The following DHRS12 variants were observed in gnomAD, a reference collection of about 807,000 sequenced individuals.
DHRS12 encodes dehydrogenase/reductase 12.
Under a neutral mutation model 32.1 loss-of-function variants are expected in DHRS12, and 29 were observed. That is an observed-to-expected ratio of 0.90 (90% CI 0.67 to 1.23). The LOEUF is 1.23. Among genes scored for constraint, DHRS12 ranks in the 50% most tolerant of loss-of-function variants. DHRS12 has a pLI of 0.00. For synonymous variants in DHRS12, 150 were observed against 135.9 expected (o/e 1.10, Z -0.72); for missense variants, 330 against 337.2 (o/e 0.98, Z 0.17).
chr13:51,760,016 G>T, the DHRS12 span: 4 of 426,670 alleles, frequency 9.4e-6, no homozygotes, highest in Middle Eastern at 6.1e-4. Flanking sequence ...ATACAGTCTG[G>T]CTGTGCTGCA....
intron 1 of DHRS12, among the ~76,000 whole-genome samples, chr13:51,800,165 A>G (rs1375729673): frequency 6.6e-6 from 1 of 152,214 alleles, no homozygotes; most frequent in African/African-American, 2.4e-5. Context: ...GAGGAAGCCA[A>G]GGCTCCTTCA....
At chr13:51,763,237 C>A (rs1365542014), downstream of DHRS12, 2 of 152,172 alleles carry the variant, frequency 1.3e-5, no homozygotes, top group African/African-American at 2.4e-5. Context: ...CACCTTGAGA[C>A]AGGGCGCTCT....
At chr13:51,789,692 GC>G in intron 4 of DHRS12, 4 of 985,450 alleles carry the variant, frequency 4.1e-6, no homozygotes, top group Non-Finnish European at 4.8e-6. Flanking sequence ...TCCTTTGGTT[GC>G]AGTTTTTAGA....
downstream of DHRS12, chr13:51,766,660 T>C (rs1953760096): frequency 6.6e-6 from 1 of 152,246 alleles, no homozygotes; most frequent in Non-Finnish European, 1.5e-5. Flanking sequence ...TGCTGAATAT[T>C]GTGAATGTTT....
chr13:51,802,278 A>C (rs1251836069), intron 1 of DHRS12, among the ~76,000 whole-genome samples: 1 of 151,922 alleles, frequency 6.6e-6, no homozygotes, highest in Non-Finnish European at 1.5e-5. Context: ...CTCGGTGCCA[A>C]AGGGCAGTCC....
intron 1 of DHRS12, among the ~76,000 whole-genome samples, chr13:51,802,158 G>C: frequency 1.4e-5 from 2 of 141,334 alleles, no homozygotes; most frequent in African/African-American, 2.7e-5. Context: ...CTAGATATCA[G>C]TCTCTATTTT....
chr13:51,785,324 T>A (rs1039957574), intron 4 of DHRS12, among the ~76,000 whole-genome samples: 1 of 152,104 alleles, frequency 6.6e-6, no homozygotes, highest in Admixed American at 6.5e-5. Flanking sequence ...AGGTGACCCG[T>A]TTTCAAAGAA....
intron 1 of DHRS12, among the ~76,000 whole-genome samples, chr13:51,801,760 T>C (rs1045672896): frequency 9.9e-5 from 15 of 151,922 alleles, no homozygotes; most frequent in South Asian, 2.1e-4. Flanking sequence ...CCAAATACAA[T>C]AGAGCCAGAA....
At chr13:51,798,729 G>C (rs12431245) in intron 2 of DHRS12, among the ~76,000 whole-genome samples, 3 of 150,718 alleles carry the variant, frequency 2.0e-5, no homozygotes, top group African/African-American at 7.3e-5. Context: ...TTTAGAGAGA[G>C]GAAAAAAGAA....
chr13:51,755,627 C>A, the DHRS12 span, among the ~76,000 whole-genome samples: 2 of 152,082 alleles, frequency 1.3e-5, no homozygotes, highest in African/African-American at 2.4e-5. Flanking sequence ...ATAGCCCATT[C>A]CTACTGGATT....
the DHRS12 span, among the ~76,000 whole-genome samples, chr13:51,759,172 C>T: frequency 1.3e-5 from 2 of 152,150 alleles, no homozygotes; most frequent in Non-Finnish European, 2.9e-5. Flanking sequence ...CAGAGCAAGA[C>T]CCTGTCTCAA....
chr13:51,765,591 A>C (rs1260157848), downstream of DHRS12: 1 of 152,220 alleles, frequency 6.6e-6, no homozygotes, highest in African/African-American at 2.4e-5. Flanking sequence ...ATTATTGGAC[A>C]TGCCTAGCCC....
intron 4 of DHRS12, chr13:51,777,354 C>T (rs1201482311): frequency 1.8e-6 from 1 of 547,618 alleles, no homozygotes. Flanking sequence ...GATGTCCACA[C>T]TACAGGAATA....
chr13:51,768,491 A>G, intron 8 of DHRS12, 195 bp from the exon 9 acceptor site: 2 of 1,421,266 alleles, frequency 1.4e-6, no homozygotes, highest in East Asian at 5.1e-5. Flanking sequence ...GCAGTTTGGG[A>G]ACTGGGAGGC....
the DHRS12 span, among the ~76,000 whole-genome samples, chr13:51,757,523 G>A: frequency 6.6e-6 from 1 of 151,466 alleles, no homozygotes; most frequent in Non-Finnish European, 1.5e-5. Flanking sequence ...GATAAGAGCA[G>A]TCTCCTAGAC....
chr13:51,788,783 C>T (rs947383645), intron 4 of DHRS12, among the ~76,000 whole-genome samples: 7 of 151,932 alleles, frequency 4.6e-5, no homozygotes, highest in Non-Finnish European at 2.9e-5. Flanking sequence ...TTGCTTGAGC[C>T]CAGGAGTTTG....
At chr13:51,784,265 C>A (rs994969908) in intron 4 of DHRS12, among the ~76,000 whole-genome samples, 1 of 152,186 alleles carries the variant, frequency 6.6e-6, no homozygotes, top group African/African-American at 2.4e-5. Flanking sequence ...AACAGGCACA[C>A]AGAGGGGTCC....
Position 51,799,678 on chromosome 13 carries a change from G to C in DHRS12, c.-8-11C>G, listed in dbSNP as rs9535761. On this transcript the variant is annotated splice_polypyrimidine_tract_variant and intron_variant, in intron 1 of 8. Coordinates refer to ENST00000444610, the MANE Select transcript of DHRS12 (RefSeq NM_001377533.1). ...GATTCATAGCCACTCCTAGAAAGAG[G>C]AGACCCACAGGAAGACCAGCTGTAA... The C allele has an allele frequency of 0.85, 1,376,472 of 1,612,850 alleles. 589,004 individuals carry two copies. The highest frequency in any genetic ancestry group is 0.89 in the Middle Eastern group (5,376 of 6,052).
At position 51,804,027 on chromosome 13, in the gene DHRS12, GCCCCGCGC is replaced by G; in HGVS notation, c.-9+19_-9+26del. On this transcript the variant is annotated intron_variant, in intron 1 of 8. Transcript: ENST00000444610. Reference sequence around the variant, plus strand: ...GAGGCGGGCCACGTGACAGCCCGGGGCCCCGCGCCCCGCCGCGCCGCCTTACTTGGTGT... The same window carrying G: ...GAGGCGGGCCACGTGACAGCCCGGGGCCCGCCGCGCCGCCTTACTTGGTGT... The G allele has an allele frequency of 4.1e-6, 6 of 1,463,290 alleles. No homozygotes were observed. 90.6% of individuals were successfully genotyped at this position (1,463,290 alleles called of 1,614,324 possible).
Sources: allele counts gnomAD v4.1 joint callset (sites outside exome capture counted in the v4.1 genomes callset), GRCh38; gene constraint gnomAD v4.1.1; transcripts MANE v1.5; gene names NCBI Gene and HGNC (gene_info 2026-07-23, HGNC 2026-07-21).